PRUNE2: variants seen among roughly 807,000 people sequenced by gnomAD.
PRUNE2 encodes the protein protein prune homolog 2.
Under a neutral mutation model 252.0 loss-of-function variants are expected in PRUNE2, and 164 were observed. That is an observed-to-expected ratio of 0.65 (90% confidence interval 0.57 to 0.74). PRUNE2 has a LOEUF of 0.74. PRUNE2 is among the 30% of genes least tolerant of loss of function. PRUNE2 has a pLI of 0.00. For synonymous variants in PRUNE2, 1,292 were observed against 1,350.2 expected, an observed-to-expected ratio of 0.96 and a Z score of 0.94; for missense variants, 3,495 against 3,711.0, an observed-to-expected ratio of 0.94 and a Z score of 1.51.
intron 1 of PRUNE2, among the ~76,000 whole-genome samples, chr9:76,894,482 C>T (rs2062690152): frequency 6.6e-6 from 1 of 152,168 alleles, no homozygotes; most frequent in African/African-American, 2.4e-5. Context: ...TCAGACATAC[C>T]CGTGGCAGGG....
At chr9:76,737,485 T>A (rs988237488) in intron 6 of PRUNE2, 3 of 152,266 alleles carry the variant, frequency 2.0e-5, no homozygotes, top group African/African-American at 7.2e-5. Flanking sequence ...AGGAGCTATC[T>A]ACTTTAGCAA....
intron 18 of PRUNE2, among the ~76,000 whole-genome samples, chr9:76,615,439 G>A (rs1228416123): frequency 1.3e-5 from 2 of 152,196 alleles, no homozygotes; most frequent in Non-Finnish European, 2.9e-5. Context: ...CGGCAGCTGA[G>A]CAGTGTTCAT....
intron 9 of PRUNE2, chr9:76,692,348 C>G: frequency 1.9e-6 from 1 of 523,068 alleles, no homozygotes; most frequent in Non-Finnish European, 3.4e-6. Flanking sequence ...CAAAAATGCT[C>G]TTTAATTTTT....
intron 6 of PRUNE2, among the ~76,000 whole-genome samples, chr9:76,799,973 G>A (rs1362753406): frequency 6.6e-6 from 1 of 152,098 alleles, no homozygotes; most frequent in African/African-American, 2.4e-5. Context: ...TCCCCTAGTG[G>A]CAAATACCTA....
intron 9 of PRUNE2, among the ~76,000 whole-genome samples, chr9:76,682,617 C>T (rs184871562): frequency 2.0e-5 from 3 of 152,286 alleles, no homozygotes; most frequent in Admixed American, 6.5e-5. Flanking sequence ...GATCTGCCTG[C>T]TTTAGCCTCC....
At chr9:76,854,704 T>C (rs888289756) in intron 1 of PRUNE2, among the ~76,000 whole-genome samples, 5 of 152,152 alleles carry the variant, frequency 3.3e-5, no homozygotes, top group Non-Finnish European at 7.3e-5. Context: ...TTCTATTCTA[T>C]AATTTAGTAA....
intron 9 of PRUNE2, among the ~76,000 whole-genome samples, chr9:76,656,619 C>T (rs547848886): frequency 3.9e-5 from 6 of 152,230 alleles, no homozygotes; most frequent in African/African-American, 1.4e-4. Flanking sequence ...TTCATTTATT[C>T]AACAAATATC....
chr9:76,702,806 G>A (rs646698), intron 9 of PRUNE2, among the ~76,000 whole-genome samples: 116,961 of 152,070 alleles, frequency 0.77, 45,323 homozygotes, highest in East Asian at 0.94. Context: ...TATGCTAAGC[G>A]GTGTGTCAAC....
At chr9:76,905,597 T>C (rs192603323) in intron 1 of PRUNE2, among the ~76,000 whole-genome samples, 2 of 152,162 alleles carry the variant, frequency 1.3e-5, no homozygotes, top group Non-Finnish European at 2.9e-5. Context: ...GGGCTCTTTA[T>C]CTCAAGGAAG....
chr9:76,737,498 T>C (rs1450043850), intron 6 of PRUNE2: 2 of 152,248 alleles, frequency 1.3e-5, no homozygotes, highest in East Asian at 3.8e-4. Context: ...TTTAGCAACA[T>C]AGCCTCAGGT....
chr9:76,905,954 A>T lies in PRUNE2; in HGVS notation c.10T>A (p.Phe4Ile). 6.2e-7 allele frequency: 1 copy of T among 1,614,120 alleles called. No individual in the cohort carries two copies. Among genetic ancestry groups the T allele is most frequent in the Non-Finnish European group, 8.5e-7 (1 of 1,180,002 alleles). The change falls in exon 1 of 19, where the codon TTT becomes ATT. Residue 4 changes from phenylalanine to isoleucine, a missense_variant. Physicochemically the swap from Phe to Ile is conservative, Grantham distance 21. Transcript: ENST00000376718. Reference sequence around the variant, plus strand: ...AGTTTAGATTTGGCGCGTTGCAAAAATTCTTCCATGTCGTGGCTAGGGGTT... The same window carrying T: ...AGTTTAGATTTGGCGCGTTGCAAAATTTCTTCCATGTCGTGGCTAGGGGTT... MEEFLQRAKSKLNR... is the reference protein window; with the variant it reads MEEILQRAKSKLNR...
intron 6 of PRUNE2, among the ~76,000 whole-genome samples, chr9:76,765,442 T>C (rs1051573070): frequency 1.3e-5 from 2 of 152,142 alleles, no homozygotes; most frequent in Non-Finnish European, 2.9e-5. Context: ...AATGGTGGGA[T>C]TATATACCTC....
intron 9 of PRUNE2, among the ~76,000 whole-genome samples, chr9:76,703,002 T>C (rs1162829924): frequency 1.3e-5 from 2 of 152,118 alleles, no homozygotes; most frequent in African/African-American, 2.4e-5. Flanking sequence ...GCCTTGCACA[T>C]AGTAGGTGCT....
chr9:76,719,763 C>T (rs1358312538), intron 6 of PRUNE2, among the ~76,000 whole-genome samples: 1 of 152,004 alleles, frequency 6.6e-6, no homozygotes, highest in Non-Finnish European at 1.5e-5. Flanking sequence ...TTCTCCCACT[C>T]AGCCTCCCTA....
At chr9:76,778,900 A>G (rs931564384) in intron 6 of PRUNE2, 2 of 152,232 alleles carry the variant, frequency 1.3e-5, no homozygotes, top group African/African-American at 4.8e-5. Context: ...GCCTCAACAA[A>G]TTGAACTGTT....
intron 6 of PRUNE2, chr9:76,785,209 G>T (rs965772608): frequency 1.4e-4 from 22 of 152,070 alleles, no homozygotes; most frequent in African/African-American, 5.1e-4. Context: ...TTCTGCCTGA[G>T]AAGCTCTTCC....
intron 6 of PRUNE2, among the ~76,000 whole-genome samples, chr9:76,751,720 A>C (rs997321979): frequency 4.6e-5 from 7 of 152,354 alleles, no homozygotes; most frequent in African/African-American, 1.7e-4. Flanking sequence ...TGATCCCTCC[A>C]ACCTCCAGTC....
intron 1 of PRUNE2, among the ~76,000 whole-genome samples, chr9:76,882,018 T>C (rs1227542271): frequency 6.6e-6 from 1 of 152,166 alleles, no homozygotes; most frequent in Admixed American, 6.6e-5. Flanking sequence ...TTCAGCAACA[T>C]TGTACCATGT....
chr9:76,801,812 G>A (rs146437499), intron 6 of PRUNE2, among the ~76,000 whole-genome samples: 5 of 152,214 alleles, frequency 3.3e-5, no homozygotes, highest in East Asian at 3.9e-4. Flanking sequence ...TCAGTGCTGC[G>A]TACAGACAAT....
Sources: allele counts gnomAD v4.1 joint callset (sites outside exome capture counted in the v4.1 genomes callset), GRCh38; gene constraint gnomAD v4.1.1; transcripts MANE v1.5; gene names NCBI Gene and HGNC (gene_info 2026-07-23, HGNC 2026-07-21).